Variants in THEM4 observed in about 807,000 individuals in gnomAD.
THEM4 encodes the protein thioesterase superfamily member 4.
Under a neutral mutation model 25.0 loss-of-function variants are expected in THEM4, and 22 were observed. The ratio of observed to expected loss-of-function variants is 0.88; its 90% CI spans 0.63 to 1.26. The LOEUF (loss-of-function observed/expected upper bound fraction) is 1.26, where lower values mean the gene tolerates loss of function less well. THEM4 is among the 50% of genes most tolerant of loss of function. THEM4 has a pLI of 0.00. For missense variants in THEM4, 286 were observed against 300.3 expected (o/e 0.95, Z 0.35); for synonymous variants, 113 against 105.6 (o/e 1.07, Z -0.43).
chr1:151,877,176 T>C (rs567297552), intron 4 of THEM4, 51 bp from the exon 5 acceptor site: 2 of 1,549,550 alleles, frequency 1.3e-6, no homozygotes, highest in East Asian at 4.5e-5. Flanking sequence ...CTGACTTATA[T>C]AACATTAAAA....
Position 151,870,973 on chromosome 1 carries a change from T to G in THEM4, c.*3915A>C, listed in dbSNP as rs1653538066. Among the ~76,000 whole-genome samples, 1 of 152,156 alleles carries G rather than the reference T, an allele frequency of 6.6e-6. No individual in the cohort carries two copies. Among genetic ancestry groups the G allele is most frequent in the African/African-American group, 2.4e-5 (1 of 41,438 alleles). ...GTTTACACTGATAGTTTAAAGATAT[T>G]TTAGCACTAACCAGCATCAATTCCT... On this transcript the variant is annotated 3_prime_UTR_variant, in exon 6 of 6. Transcript: ENST00000368814.
rs560314452 is a variant in THEM4, at chr1:151,875,974, C to A, written c.682+1027G>T. ...GAGACATGAACAAGAATGTTTATAG[C>A]AGCCCCATTTGTAATAGTCAGAGGC... On this transcript the variant is annotated intron_variant, in intron 5 of 5. Coordinates refer to ENST00000368814, the MANE Select transcript of THEM4 (RefSeq NM_053055.5). Among the ~76,000 whole-genome samples, 4 of 152,302 alleles carry A rather than the reference C, an allele frequency of 2.6e-5. No homozygotes were observed. The East Asian group carries it at 5.8e-4, about 22-fold the overall frequency.
At position 151,895,060 on chromosome 1, in the gene THEM4, T is replaced by G; in HGVS notation, c.234A>C (p.Ser78=). 1 of 1,614,180 alleles carries G rather than the reference T, an allele frequency of 6.2e-7. No homozygotes were observed. Among genetic ancestry groups the G allele is most frequent in the Non-Finnish European group, 8.5e-7 (1 of 1,180,034 alleles). The change falls in exon 2 of 6, where the codon TCA becomes TCC. Residue 78 remains serine (S), a synonymous_variant. Transcript: ENST00000368814. The part of the protein sequence containing the change: ...CEDGSWKRLP[S]YKRTPTEWIQ... ...TCCATTCAGTAGGTGTACGTTTATA[T>G]GAAGGCAAACGTTTCCAGGAGCCGT...
chr1:151,884,982 C>T (rs1178507928), intron 4 of THEM4, among the ~76,000 whole-genome samples: 10 of 152,084 alleles, frequency 6.6e-5, no homozygotes, highest in South Asian at 4.2e-4. Context: ...CCACCATGCC[C>T]GGCCTACAAT....
intron 4 of THEM4, among the ~76,000 whole-genome samples, chr1:151,881,841 A>G (rs1277407505): frequency 1.3e-5 from 2 of 152,128 alleles, no homozygotes; most frequent in African/African-American, 4.8e-5. Flanking sequence ...TATATTGTCA[A>G]TTCATGATTT....
At chr1:151,877,563 A>C (rs562695656) in intron 4 of THEM4, among the ~76,000 whole-genome samples, 1 of 152,354 alleles carries the variant, frequency 6.6e-6, no homozygotes, top group African/African-American at 2.4e-5. Context: ...AGTAATGGTC[A>C]CTAGAAAGAC....
In THEM4 at chr1:151,884,052, G is replaced by A. The variant is rs1404849894; in HGVS notation, c.557+4221C>T. The stretch of plus-strand genomic sequence containing the variant: ...ATTGCGCCACTGCACTCCAGCCTGG[G>A]TGGCAGAGTGAGACTCTGTCTCAAA... On this transcript the variant is annotated intron_variant, in intron 4 of 5. Transcript: ENST00000368814. Among the ~76,000 whole-genome samples the A allele has an allele frequency of 3.3e-5, 5 of 151,284 alleles. No homozygotes were observed. The East Asian group carries it at 9.8e-4, about 30-fold the overall frequency.
rs1204539208 is a variant in THEM4, at chr1:151,909,431, G to A, written c.28C>T (p.Arg10Cys). 8.9e-6 allele frequency: 13 copies of A among 1,466,708 alleles called. No homozygotes were observed. Among genetic ancestry groups the A allele is most frequent in the East Asian group, 2.9e-5 (1 of 35,080 alleles). 90.9% of individuals were successfully genotyped at this position (1,466,708 alleles called of 1,614,324 possible). ...GGCAGGCACAGAGCCCCCAGCGTGC[G>A]GAGGCGCGCGGCGCAGCTCCTCAGC... MLRSCAARL[R>C]TLGALCLPPV... is the part of the protein sequence containing the mutation. Residue 10 changes from arginine (R) to cysteine (C), a missense_variant, in exon 1 of 6, where the codon CGC (arginine) becomes TGC (cysteine). Arg to Cys is a radical substitution (Grantham distance 180, BLOSUM62 -3). Transcript: ENST00000368814.
intron 4 of THEM4, among the ~76,000 whole-genome samples, chr1:151,885,929 C>T (rs1653957949): frequency 6.6e-6 from 1 of 152,096 alleles, no homozygotes; most frequent in Non-Finnish European, 1.5e-5. Context: ...CAGGTTGTTA[C>T]CTGTAGCATC....
At chr1:151,899,482 CAAA>C (rs58168472) in intron 1 of THEM4, among the ~76,000 whole-genome samples, 12 of 94,606 alleles carry the variant, frequency 1.3e-4, no homozygotes, top group African/African-American at 1.1e-4. Flanking sequence ...CAGAGTGAGT[CAAA>C]AAAAAAAAAA....
intron 2 of THEM4, chr1:151,889,994 C>T (rs1654058676): frequency 4.6e-6 from 1 of 217,308 alleles, no homozygotes; most frequent in East Asian, 1.1e-4. Context: ...GCAACCTCCG[C>T]CTCCCGGGTT....
At position 151,871,721 on chromosome 1, in the gene THEM4, G is replaced by A. The variant is rs1365079163; in HGVS notation, c.*3167C>T. 2.0e-5 allele frequency among the ~76,000 whole-genome samples: 3 copies of A among 151,674 alleles called. No homozygotes were observed. Among genetic ancestry groups the A allele is most frequent in the East Asian group, 1.9e-4 (1 of 5,202 alleles). On this transcript the variant is annotated 3_prime_UTR_variant, in exon 6 of 6. Coordinates refer to ENST00000368814, the MANE Select transcript of THEM4 (RefSeq NM_053055.5). ...ACTGTAAAGGGAAAAAAGTGGATAC[G>A]AAGGGAGGCAGGCATACTTAACATG...
chr1:151,905,816 G>A (rs1572084889), intron 1 of THEM4, among the ~76,000 whole-genome samples: 3 of 152,250 alleles, frequency 2.0e-5, no homozygotes, highest in Non-Finnish European at 4.4e-5. Flanking sequence ...GCACAGTGAA[G>A]GTTATAAGAC....
intron 1 of THEM4, among the ~76,000 whole-genome samples, chr1:151,901,014 G>A (rs1395184199): frequency 6.6e-6 from 1 of 152,238 alleles, no homozygotes; most frequent in South Asian, 2.1e-4. Flanking sequence ...TAACTAGCCA[G>A]AGCCCATCCC....
intron 2 of THEM4, 122 bp from the exon 3 acceptor site, chr1:151,889,495 G>T: frequency 9.6e-7 from 1 of 1,039,954 alleles, no homozygotes; most frequent in Non-Finnish European, 1.4e-6. Flanking sequence ...AATGTCCACA[G>T]GGTGCAAAAT....
Position 151,874,520 on chromosome 1 carries a change from G to A in THEM4, c.*368C>T, listed in dbSNP as rs909442921. The A allele has an allele frequency of 1.9e-5, 4 of 210,168 alleles. No homozygotes were observed. Among genetic ancestry groups the A allele is most frequent in the South Asian group, 1.9e-4 (2 of 10,788 alleles). 13.0% of individuals were successfully genotyped at this position (210,168 alleles called of 1,614,324 possible). A position where few individuals can be genotyped will look rare whatever the true frequency, so the allele number is the denominator to read the frequency against. On this transcript the variant is annotated 3_prime_UTR_variant, in exon 6 of 6. Transcript: ENST00000368814. ...CTCCTGAGTAGCTGGGACTACAGGC[G>A]TACGCCACCATGCCTGGATAATTTT...
At chr1:151,885,968 A>G (rs1347287564) in intron 4 of THEM4, among the ~76,000 whole-genome samples, 1 of 152,240 alleles carries the variant, frequency 6.6e-6, no homozygotes, top group Non-Finnish European at 1.5e-5. Context: ...ATCATATTAA[A>G]TTTAATATTA....
intron 4 of THEM4, among the ~76,000 whole-genome samples, chr1:151,885,083 T>TTTATTTA (rs1653937151): frequency 2.1e-5 from 3 of 145,524 alleles, no homozygotes; most frequent in African/African-American, 7.6e-5. Flanking sequence ...TGATTTCATC[T>TTTATTTA]TTTATTTATT....
At position 151,874,516 on chromosome 1, in the gene THEM4, A is replaced by G; in HGVS notation, c.*372T>C. 1 of 201,376 alleles carries G rather than the reference A, an allele frequency of 5.0e-6. No individual in the cohort carries two copies. Among genetic ancestry groups the G allele is most frequent in the South Asian group, 1.0e-4 (1 of 9,674 alleles). The allele number at this position is 201,376 out of a possible 1,614,324, so 12.5% of individuals were successfully genotyped here. On this transcript the variant is annotated 3_prime_UTR_variant, in exon 6 of 6. Coordinates refer to ENST00000368814, the MANE Select transcript of THEM4 (RefSeq NM_053055.5). ...CAGCCTCCTGAGTAGCTGGGACTAC[A>G]GGCGTACGCCACCATGCCTGGATAA... is the stretch of plus-strand genomic sequence containing the variant.
Sources: gnomAD v4.1 joint callset for allele counts (sites outside exome capture counted in the v4.1 genomes callset) on GRCh38, gnomAD v4.1.1 for gene constraint, MANE v1.5 for transcripts, NCBI Gene and HGNC (gene_info 2026-07-23, HGNC 2026-07-21) for gene names.